The following MALRD1 variants were observed in gnomAD, a reference collection of about 807,000 sequenced individuals.
The protein encoded by MALRD1 is MAM and LDL-receptor class A domain-containing protein 1.
In MALRD1, 247 loss-of-function variants were observed where a neutral mutation model predicts 242.1. The observed-to-expected ratio is 1.02, with a 90% CI of 0.92 to 1.13. MALRD1 has a LOEUF of 1.13. MALRD1 is among the 50% of genes most tolerant of loss of function. MALRD1 has a pLI of 0.00. For synonymous variants in MALRD1, 995 were observed against 866.6 expected (o/e 1.15, Z -2.60); for missense variants, 2,989 against 2,533.1 (o/e 1.18, Z -3.86).
At chr10:19,712,869 A>G (rs560239905) in intron 38 of MALRD1, among the ~76,000 whole-genome samples, 4 of 152,324 alleles carry the variant, frequency 2.6e-5, no homozygotes, top group East Asian at 3.9e-4. Context: ...ATAGAAGTCA[A>G]CCATGTAAGT....
At chr10:19,309,723 G>A (rs1031631447) in intron 21 of MALRD1, among the ~76,000 whole-genome samples, 2 of 151,074 alleles carry the variant, frequency 1.3e-5, no homozygotes, top group African/African-American at 4.9e-5. Context: ...AAGAGTCCTA[G>A]GTTAACTGTA....
intron 12 of MALRD1, among the ~76,000 whole-genome samples, chr10:19,162,524 C>T (rs550094474): frequency 1.3e-5 from 2 of 152,220 alleles, no homozygotes; most frequent in South Asian, 2.1e-4. Flanking sequence ...ACAGAGTTTC[C>T]ATACTTGAGT....
chr10:19,498,624 T>A lies in MALRD1; in HGVS notation c.5298T>A (p.Ile1766=), dbSNP rs1202324065. 2 of 1,549,738 alleles carry A rather than the reference T, an allele frequency of 1.3e-6. No homozygotes were observed. Among genetic ancestry groups the A allele is most frequent in the Admixed American group, 2.0e-5 (1 of 50,792 alleles). ...IGSRIPAKAL[I]PDSDHTPGSG... is the part of the protein sequence containing the mutation. The stretch of plus-strand genomic sequence containing the variant: ...GCAGAATTCCTGCCAAAGCATTAAT[T>A]CCAGACTCTGATCACACGCCAGGTA... Residue 1766 remains isoleucine (I), a synonymous_variant, in exon 31 of 40, where the codon ATT becomes ATA. Transcript: ENST00000454679.
intron 21 of MALRD1, among the ~76,000 whole-genome samples, chr10:19,315,529 TTTATATAAATATATAAAAA>T: frequency 7.8e-6 from 1 of 128,632 alleles, no homozygotes; most frequent in East Asian, 2.3e-4. Context: ...ATAACTATAA[TTTATATAAATATATAAAAA>T]TATAAATATT....
intron 24 of MALRD1, among the ~76,000 whole-genome samples, chr10:19,345,909 C>T (rs1022821564): frequency 4.0e-5 from 6 of 151,812 alleles, no homozygotes; most frequent in East Asian, 1.9e-4. Context: ...GACATAGAAA[C>T]GATGGTAAAA....
intron 36 of MALRD1, among the ~76,000 whole-genome samples, chr10:19,643,131 G>C (rs1194901565): frequency 1.3e-5 from 2 of 152,018 alleles, no homozygotes; most frequent in Admixed American, 6.6e-5. Flanking sequence ...AGTAATGTGG[G>C]TAAAATAAAA....
rs187376881 is a variant in MALRD1, at chr10:19,572,451, A to C, written c.5680+4748A>C. ...ATATTTGAAACAACAACGGCTTGAA[A>C]ATACTGTGCATTTCTACACAGTTTT... On this transcript the variant is annotated intron_variant, in intron 33 of 39. Transcript: ENST00000454679. Among the ~76,000 whole-genome samples, 86 of 152,324 alleles carry C rather than the reference A, an allele frequency of 5.6e-4. 2 individuals are homozygous for C. The highest frequency in any genetic ancestry group is 4.8e-3 in the Admixed American group (73 of 15,300).
intron 21 of MALRD1, among the ~76,000 whole-genome samples, chr10:19,314,459 A>G (rs1023043221): frequency 6.6e-6 from 1 of 151,692 alleles, no homozygotes; most frequent in African/African-American, 2.4e-5. Context: ...AAGGAGGCAT[A>G]GAGAAATGAA....
intron 30 of MALRD1, among the ~76,000 whole-genome samples, chr10:19,494,205 C>T (rs1837617617): frequency 6.6e-6 from 1 of 152,200 alleles, no homozygotes; most frequent in Non-Finnish European, 1.5e-5. Context: ...AAACCAAAGG[C>T]AAGAAGTCAG....
intron 36 of MALRD1, among the ~76,000 whole-genome samples, chr10:19,661,301 T>C (rs2131733341): frequency 6.6e-6 from 1 of 152,268 alleles, no homozygotes; most frequent in South Asian, 2.1e-4. Context: ...ACCCAAAGGA[T>C]TATAAATCAT....
At chr10:19,123,459 A>G (rs1837140762) in intron 5 of MALRD1, 33 bp from the exon 6 acceptor site, 1 of 1,181,544 alleles carries the variant, frequency 8.5e-7, no homozygotes, top group Non-Finnish European at 1.1e-6. Flanking sequence ...TTGCACCTGC[A>G]TTTCACTTCT....
chr10:19,533,687 A>G (rs937625149), intron 32 of MALRD1, among the ~76,000 whole-genome samples: 14 of 152,186 alleles, frequency 9.2e-5, no homozygotes, highest in Non-Finnish European at 1.9e-4. Context: ...ATGACCAGAT[A>G]TCATGAGAAC....
At chr10:19,207,272 G>A (rs572466224) in intron 17 of MALRD1, among the ~76,000 whole-genome samples, 1 of 152,148 alleles carries the variant, frequency 6.6e-6, no homozygotes, top group African/African-American at 2.4e-5. Flanking sequence ...ACTGTCAAAT[G>A]CCCATTTTAT....
At chr10:19,597,939 C>A (rs769185953) in intron 34 of MALRD1, among the ~76,000 whole-genome samples, 3 of 152,068 alleles carry the variant, frequency 2.0e-5, no homozygotes, top group Non-Finnish European at 4.4e-5. Flanking sequence ...GAGAACAGGT[C>A]GTTAGAGTGA....
At position 19,389,492 on chromosome 10, in the gene MALRD1, G is replaced by C; in HGVS notation, c.4728G>C (p.Arg1576=). ...MYLEATAVGL[R]GDKAHFRSTM... ...TGGAAGCTACTGCAGTGGGCCTTCG[G>C]GGTGACAAAGCACACTTCAGGAGTA... The change falls in exon 28 of 40, where the codon CGG becomes CGC. Residue 1576 remains arginine, a synonymous_variant. Coordinates refer to ENST00000454679, the MANE Select transcript of MALRD1 (RefSeq NM_001142308.3). 1 of 1,550,482 alleles carries C rather than the reference G, an allele frequency of 6.4e-7. No individual in the cohort carries two copies. The highest frequency in any genetic ancestry group is 8.7e-7 in the Non-Finnish European group (1 of 1,146,944).
At chr10:19,470,580 T>C (rs1177614965) in intron 29 of MALRD1, among the ~76,000 whole-genome samples, 1 of 152,028 alleles carries the variant, frequency 6.6e-6, no homozygotes, top group Non-Finnish European at 1.5e-5. Flanking sequence ...GGTTTCCTTT[T>C]CTCCACATTC....
At chr10:19,554,293 G>T (rs1270102653) in intron 32 of MALRD1, among the ~76,000 whole-genome samples, 1 of 152,172 alleles carries the variant, frequency 6.6e-6, no homozygotes, top group Non-Finnish European at 1.5e-5. Flanking sequence ...ATTGTAGAAG[G>T]CGAACGGGTA....
chr10:19,238,759 G>GT (rs545195415), intron 18 of MALRD1, among the ~76,000 whole-genome samples: 66 of 148,592 alleles, frequency 4.4e-4, no homozygotes, highest in African/African-American at 1.1e-3. Context: ...TCGAATGATT[G>GT]TTTTTTTTGT....
intron 21 of MALRD1, among the ~76,000 whole-genome samples, chr10:19,318,427 G>T (rs1369967719): frequency 6.7e-6 from 1 of 149,840 alleles, no homozygotes; most frequent in African/African-American, 2.5e-5. Flanking sequence ...TTAGAGAATT[G>T]TTTCCATAGT....
Sources: gnomAD v4.1 joint callset for allele counts (sites outside exome capture counted in the v4.1 genomes callset) on GRCh38, gnomAD v4.1.1 for gene constraint, MANE v1.5 for transcripts, NCBI Gene and HGNC (gene_info 2026-07-23, HGNC 2026-07-21) for gene names.